The following ZDHHC14 variants were observed in gnomAD, a reference collection of about 807,000 sequenced individuals.
ZDHHC14 encodes zDHHC palmitoyltransferase 14, also known as palmitoyltransferase ZDHHC14.
A neutral mutation model predicts 47.7 loss-of-function variants in ZDHHC14; 16 were observed. That is an observed-to-expected ratio of 0.34 (90% CI 0.23 to 0.51). ZDHHC14 has a LOEUF of 0.51. Among genes scored for constraint, ZDHHC14 ranks in the 20% least tolerant of loss-of-function variants. The pLI is 0.97. For missense variants in ZDHHC14, 515 were observed against 662.5 expected (o/e 0.78, Z 2.44); for synonymous variants, 293 against 278.9 (o/e 1.05, Z -0.50).
At chr6:157,480,098 G>A (rs1221391595) in intron 1 of ZDHHC14, among the ~76,000 whole-genome samples, 2 of 152,148 alleles carry the variant, frequency 1.3e-5, no homozygotes, top group African/African-American at 4.8e-5. Context: ...GATAGGTGGT[G>A]GACATGTTGG....
At chr6:157,666,437 C>T (rs1053200788) in intron 8 of ZDHHC14, among the ~76,000 whole-genome samples, 9 of 152,072 alleles carry the variant, frequency 5.9e-5, no homozygotes, top group African/African-American at 1.7e-4. Context: ...CTTAGGCAAA[C>T]GTAAATGATA....
At chr6:157,475,922 A>G (rs1035554063) in intron 1 of ZDHHC14, among the ~76,000 whole-genome samples, 2 of 152,168 alleles carry the variant, frequency 1.3e-5, no homozygotes, top group African/African-American at 4.8e-5. Flanking sequence ...ATGGAAGTAC[A>G]TCATATCAAA....
At chr6:157,629,883 G>T (rs1785600887) in intron 4 of ZDHHC14, 2 of 152,128 alleles carry the variant, frequency 1.3e-5, no homozygotes, top group Non-Finnish European at 2.9e-5. Context: ...GAATGACTAG[G>T]GCATTATATG....
chr6:157,658,951 CA>C (rs1334770766), intron 8 of ZDHHC14, among the ~76,000 whole-genome samples: 1 of 152,170 alleles, frequency 6.6e-6, no homozygotes, highest in Non-Finnish European at 1.5e-5. Flanking sequence ...GAACTTTCTC[CA>C]TGGGTATTGT....
rs367804418 is a variant in ZDHHC14, at chr6:157,458,839, A to G, written c.245+76573A>G. On this transcript the variant is annotated intron_variant, in intron 1 of 8. Coordinates refer to ENST00000359775, the MANE Select transcript of ZDHHC14 (RefSeq NM_024630.3). Reference sequence around the variant, plus strand: ...AGATGTAAAATACAGGTACTAGCAAATGTGGGTGGATTTTTTTTTTTTTTT... The same window carrying G: ...AGATGTAAAATACAGGTACTAGCAAGTGTGGGTGGATTTTTTTTTTTTTTT... 2.6e-4 allele frequency among the ~76,000 whole-genome samples: 29 copies of G among 112,114 alleles called. 1 individual carries two copies. The highest frequency in any genetic ancestry group is 6.6e-4 in the African/African-American group (21 of 31,582). 73.6% of individuals were successfully genotyped at this position (112,114 alleles called of 152,430 possible).
chr6:157,582,140 G>C lies in ZDHHC14; in HGVS notation c.407-10848G>C, dbSNP rs902260595. Among the ~76,000 whole-genome samples the C allele has an allele frequency of 1.3e-5, 2 of 152,160 alleles. No individual in the cohort carries two copies. Among genetic ancestry groups the C allele is most frequent in the Non-Finnish European group, 2.9e-5 (2 of 68,036 alleles). ...TCAAACTCCTGGCCTCAAGTGATCT[G>C]CCCACCTGGGCCTCCCAAAGTGCTG... On this transcript the variant is annotated intron_variant, in intron 2 of 8. Transcript: ENST00000359775. The surrounding 1 kb of genome is among the most constrained non-coding windows in gnomAD (Gnocchi z 4.3).
chr6:157,383,798 C>T (rs756811117), intron 1 of ZDHHC14, among the ~76,000 whole-genome samples: 5 of 152,052 alleles, frequency 3.3e-5, no homozygotes, highest in Admixed American at 1.3e-4. Flanking sequence ...GACCTGTGGA[C>T]GGGAGGGGAA....
intron 3 of ZDHHC14, among the ~76,000 whole-genome samples, chr6:157,621,437 T>C (rs1785182054): frequency 6.6e-6 from 1 of 152,156 alleles, no homozygotes; most frequent in Non-Finnish European, 1.5e-5. Context: ...AAATTAGAAA[T>C]TTAAACTTCA....
intron 1 of ZDHHC14, among the ~76,000 whole-genome samples, chr6:157,387,179 T>C (rs1341401246): frequency 6.6e-6 from 1 of 152,102 alleles, no homozygotes; most frequent in Non-Finnish European, 1.5e-5. Context: ...TCTTTCTCTC[T>C]TTTCCTCCCT....
At position 157,545,272 on chromosome 6, in the gene ZDHHC14, C is replaced by T. The variant is rs758562040; in HGVS notation, c.406+2527C>T. Among the ~76,000 whole-genome samples the T allele has an allele frequency of 4.6e-5, 7 of 152,004 alleles. No homozygotes were observed. In the East Asian group the frequency reaches 7.7e-4, roughly 17 times the overall value. Reference sequence around the variant, plus strand: ...TTATGAACATGGTCTAAAATTAAGTCGTGGTGATGGTTGCACAATGCAATA... The same window carrying T: ...TTATGAACATGGTCTAAAATTAAGTTGTGGTGATGGTTGCACAATGCAATA... On this transcript the variant is annotated intron_variant, in intron 2 of 8. Transcript: ENST00000359775.
rs775526540 is a variant in ZDHHC14 at position 157,542,590 on chromosome 6, C to T, written c.251C>T (p.Pro84Leu). 3.1e-6 allele frequency: 5 copies of T among 1,614,050 alleles called. 1 individual carries two copies. In the South Asian group the frequency reaches 4.4e-5, roughly 14 times the overall value. Residue 84 changes from proline to leucine, a missense_variant, in exon 2 of 9, where the codon CCG becomes CTG. This residue lies in a region of ZDHHC14 where 229 missense variants were observed against 351.5 expected (regional missense o/e 0.65). Transcript: ENST00000359775. ...TCTGTCCAACCTGTCGGCAGCTGTC[C>T]GTACCTGGCGGTGAAAATCACCCCT... is the stretch of plus-strand genomic sequence containing the variant. Reference protein sequence around the residue: ...TSGLFFAFDCPYLAVKITPAI... With the variant: ...TSGLFFAFDCLYLAVKITPAI...
chr6:157,424,806 A>C (rs916882172), intron 1 of ZDHHC14, among the ~76,000 whole-genome samples: 1 of 152,080 alleles, frequency 6.6e-6, no homozygotes, highest in Non-Finnish European at 1.5e-5. Context: ...ATTTCTCCAT[A>C]GAAATATCTC....
chr6:157,535,198 G>A (rs753489394), intron 1 of ZDHHC14, among the ~76,000 whole-genome samples: 8 of 152,138 alleles, frequency 5.3e-5, no homozygotes, highest in Admixed American at 2.6e-4. Context: ...CTCTGTTCAC[G>A]CAAGTGCTTG....
intron 1 of ZDHHC14, among the ~76,000 whole-genome samples, chr6:157,524,160 C>G (rs1367402614): frequency 6.7e-6 from 1 of 149,678 alleles, no homozygotes; most frequent in Non-Finnish European, 1.5e-5. Flanking sequence ...GACGGAGTCT[C>G]ACTTTGTTGC....
intron 5 of ZDHHC14, among the ~76,000 whole-genome samples, chr6:157,641,325 T>G (rs1777238670): frequency 6.6e-6 from 1 of 152,230 alleles, no homozygotes; most frequent in Admixed American, 6.5e-5. Flanking sequence ...ATGCTCCTCT[T>G]AAGACACTGG....
chr6:157,491,196 AG>A (rs1180080966), intron 1 of ZDHHC14, among the ~76,000 whole-genome samples: 1 of 152,182 alleles, frequency 6.6e-6, no homozygotes, highest in Non-Finnish European at 1.5e-5. Context: ...GCCGCCCTGC[AG>A]GGTAGACAGT....
intron 2 of ZDHHC14, among the ~76,000 whole-genome samples, chr6:157,546,853 C>T (rs1015206468): frequency 6.6e-5 from 10 of 152,220 alleles, no homozygotes; most frequent in African/African-American, 2.2e-4. Context: ...TTCGTCTCTT[C>T]CCACCCGTTC....
intron 2 of ZDHHC14, among the ~76,000 whole-genome samples, chr6:157,558,782 GTA>G (rs1491147409): frequency 2.2e-5 from 3 of 133,774 alleles, no homozygotes; most frequent in African/African-American, 8.5e-5. Flanking sequence ...AACTTTGGTG[GTA>G]AAAAAAAAAA....
chr6:157,653,894 G>A (rs1449719804), intron 8 of ZDHHC14, among the ~76,000 whole-genome samples: 6 of 152,212 alleles, frequency 3.9e-5, no homozygotes, highest in Non-Finnish European at 8.8e-5. Context: ...AAAACAGCTT[G>A]AGGCACGTGG....
Sources: gnomAD v4.1 joint callset for allele counts (sites outside exome capture counted in the v4.1 genomes callset) on GRCh38, gnomAD v4.1.1 for gene constraint, gnomAD v4.1.1 regional missense constraint, Gnocchi (gnomAD v3.1) non-coding constraint, MANE v1.5 for transcripts, NCBI Gene and HGNC (gene_info 2026-07-23, HGNC 2026-07-21) for gene names.